The following ADCY3 variants were observed in gnomAD, a reference collection of about 807,000 sequenced individuals.
The protein encoded by ADCY3 is adenylate cyclase 3, also known as adenylate cyclase type 3.
ADCY3 carries 70 observed loss-of-function variants against 119.4 expected under a neutral mutation model. That is an observed-to-expected ratio of 0.59 (90% CI 0.48 to 0.72). ADCY3 has a LOEUF of 0.72. Ranked by LOEUF, ADCY3 falls within the 30% of genes least tolerant of loss-of-function variation. The probability of loss-of-function intolerance (pLI) is 0.00; values close to 1 mark genes in which losing one functional copy is unlikely to be tolerated. For missense variants in ADCY3, 1,238 were observed against 1,541.6 expected (o/e 0.80, Z 3.30); for synonymous variants, 672 against 621.4 (o/e 1.08, Z -1.21).
intron 2 of ADCY3, among the ~76,000 whole-genome samples, chr2:24,877,298 C>G (rs2384057): frequency 0.49 from 74,026 of 152,044 alleles, 19,479 homozygotes; most frequent in African/African-American, 0.7. Context: ...ACCCCTCCCC[C>G]CTTCAGCCTC....
In ADCY3 at chr2:24,898,721, A is replaced by C. The variant is rs1678570146; in HGVS notation, c.675+19592T>G. ...AGCTCCCGGCTCCAGGTCTCTGGGG[A>C]GACAACCCTTGCCTGGGGAAGCCTG... On this transcript the variant is annotated intron_variant, in intron 2 of 21. Coordinates refer to ENST00000679454, the MANE Select transcript of ADCY3 (RefSeq NM_004036.5). This position sits in a 1 kb window ranked among gnomAD's most constrained non-coding sequence, Gnocchi z 4.3. Among the ~76,000 whole-genome samples the C allele has an allele frequency of 6.6e-6, 1 of 152,130 alleles. No individual in the cohort carries two copies. Among genetic ancestry groups the C allele is most frequent in the Admixed American group, 6.5e-5 (1 of 15,270 alleles).
In ADCY3 at chr2:24,828,125, C is replaced by T; in HGVS notation, c.2209G>A (p.Ala737Thr). Residue 737 changes from alanine (A) to threonine (T), a missense_variant, in exon 14 of 22, where the codon GCA becomes ACA. Physicochemically the swap from Ala to Thr is moderately conservative, Grantham distance 58. Transcript: ENST00000679454. ...CLQYYTGPSNATAGMETEGSC... is the reference protein window; with the variant it reads ...CLQYYTGPSNTTAGMETEGSC... The stretch of plus-strand genomic sequence containing the variant: ...CCCTCCGTTTCCATCCCTGCCGTTG[C>T]ATTGCTGGGTCCCGTGTAGTACTGG... 1 of 1,614,072 alleles carries T rather than the reference C, an allele frequency of 6.2e-7. No homozygotes were observed. Among genetic ancestry groups the T allele is most frequent in the Non-Finnish European group, 8.5e-7 (1 of 1,180,036 alleles).
chr2:24,885,644 C>T (rs996235854), intron 2 of ADCY3, among the ~76,000 whole-genome samples: 3 of 152,232 alleles, frequency 2.0e-5, no homozygotes, highest in Non-Finnish European at 4.4e-5. Flanking sequence ...ACCCTTACTT[C>T]CCACAGGGCT....
intron 2 of ADCY3, among the ~76,000 whole-genome samples, chr2:24,882,086 AAGT>A (rs1447394925): frequency 1.3e-5 from 2 of 152,242 alleles, no homozygotes; most frequent in African/African-American, 2.4e-5. Context: ...TGGTGTGAAC[AAGT>A]AGATTTATTT....
chr2:24,867,599 G>A (rs920419172), intron 3 of ADCY3, among the ~76,000 whole-genome samples: 2 of 152,126 alleles, frequency 1.3e-5, no homozygotes, highest in Non-Finnish European at 2.9e-5. Context: ...GCACAAAACG[G>A]ATGAAGACAG....
chr2:24,919,285 C>T lies in ADCY3; in HGVS notation c.-197-101G>A. 1 of 351,656 alleles carries T rather than the reference C, an allele frequency of 2.8e-6. No individual in the cohort carries two copies. Among genetic ancestry groups the T allele is most frequent in the Non-Finnish European group, 5.3e-6 (1 of 189,580 alleles). The allele number at this position is 351,656 out of a possible 1,614,324, so 21.8% of individuals were successfully genotyped here. A position where few individuals can be genotyped will look rare whatever the true frequency, so the allele number is the denominator to read the frequency against. ...CATAAAAGGATCTCTGCTGCAAGAG[C>T]CTCCCAACCCAGGGCCTTCCCTGCC... On this transcript the variant is annotated intron_variant, in intron 1 of 21. Transcript: ENST00000679454. This position sits in a 1 kb window ranked among gnomAD's most constrained non-coding sequence, Gnocchi z 5.5.
intron 2 of ADCY3, among the ~76,000 whole-genome samples, chr2:24,901,638 C>T (rs772650791): frequency 5.9e-5 from 9 of 152,046 alleles, no homozygotes; most frequent in Non-Finnish European, 1.3e-4. Flanking sequence ...ACACACAACA[C>T]ATCCCAGCTG....
At chr2:24,901,183 G>A (rs1440320902) in intron 2 of ADCY3, among the ~76,000 whole-genome samples, 1 of 152,214 alleles carries the variant, frequency 6.6e-6, no homozygotes, top group Non-Finnish European at 1.5e-5. Context: ...CCGAGACACT[G>A]GATCCACCAA....
chr2:24,827,309 C>A (rs74547684), intron 15 of ADCY3, among the ~76,000 whole-genome samples: 1,950 of 152,318 alleles, frequency 0.013, 48 homozygotes, highest in African/African-American at 0.045. Flanking sequence ...CATTTTCCTG[C>A]TGCCTGTCTG....
chr2:24,836,298 T>A (rs1242702300), intron 9 of ADCY3, among the ~76,000 whole-genome samples: 1 of 152,250 alleles, frequency 6.6e-6, no homozygotes, highest in Non-Finnish European at 1.5e-5. Context: ...CCTCTTGTTC[T>A]ACGGCATCTG....
At chr2:24,862,188 C>T (rs1281175557) in intron 3 of ADCY3, among the ~76,000 whole-genome samples, 1 of 133,466 alleles carries the variant, frequency 7.5e-6, no homozygotes, top group Non-Finnish European at 1.8e-5. Flanking sequence ...GGGTCTGGGT[C>T]CCTTGTCCTC....
chr2:24,826,078 G>T lies in ADCY3; in HGVS notation c.2544C>A (p.Leu848=). 6.2e-7 allele frequency: 1 copy of T among 1,614,174 alleles called. No individual in the cohort carries two copies. Among genetic ancestry groups the T allele is most frequent in the Non-Finnish European group, 8.5e-7 (1 of 1,180,032 alleles). Residue 848 remains leucine (L), a synonymous_variant, in exon 16 of 22, where the codon CTC becomes CTA. Coordinates refer to ENST00000679454, the MANE Select transcript of ADCY3 (RefSeq NM_004036.5). Reference sequence around the variant, plus strand: ...AGAAGTAGTAGAAGCTGAGCATCATGAGGAACACCATCACCGTCATAGAGT... The same window carrying T: ...AGAAGTAGTAGAAGCTGAGCATCATTAGGAACACCATCACCGTCATAGAGT... ...SKYSMTVMVF[L]MMLSFYYFSR... is the part of the protein sequence containing the mutation.
rs558979408 is a variant in ADCY3 at position 24,918,216 on chromosome 2, T to G, written c.675+97A>C. The G allele has an allele frequency of 1.4e-6, 2 of 1,393,978 alleles. No homozygotes were observed. Among genetic ancestry groups the G allele is most frequent in the East Asian group, 4.6e-5 (2 of 43,062 alleles). The allele number at this position is 1,393,978 out of a possible 1,614,324, so 86.4% of individuals were successfully genotyped here. A position where few individuals can be genotyped will look rare whatever the true frequency, so the allele number is the denominator to read the frequency against. ...GCCCCGGAGGCCCCCAGGACACATT[T>G]TGACTCAAAGGCAAAGCAAACAGCA... is the stretch of plus-strand genomic sequence containing the variant. On this transcript the variant is annotated intron_variant, in intron 2 of 21. Transcript: ENST00000679454. The surrounding 1 kb of genome is among the most constrained non-coding windows in gnomAD (Gnocchi z 5.4).
At chr2:24,912,975 G>A (rs1391983539) in intron 2 of ADCY3, among the ~76,000 whole-genome samples, 2 of 152,206 alleles carry the variant, frequency 1.3e-5, no homozygotes, top group Non-Finnish European at 2.9e-5. Flanking sequence ...TGAATCTGAT[G>A]GCCCTGCAGT....
intron 3 of ADCY3, among the ~76,000 whole-genome samples, chr2:24,862,485 G>A (rs762217098): frequency 3.4e-4 from 51 of 151,726 alleles, no homozygotes; most frequent in Non-Finnish European, 5.9e-4. Flanking sequence ...GGCGGAGCTT[G>A]CAGTGAGCCG....
intron 15 of ADCY3, 72 bp downstream of exon 15, chr2:24,827,474 G>C: frequency 6.6e-7 from 1 of 1,508,322 alleles, no homozygotes; most frequent in Non-Finnish European, 9.0e-7. Context: ...CCCGGGGCTT[G>C]GGCCTGTTAT....
At chr2:24,870,479 G>A (rs1674858820) in intron 3 of ADCY3, among the ~76,000 whole-genome samples, 1 of 152,132 alleles carries the variant, frequency 6.6e-6, no homozygotes, top group South Asian at 2.1e-4. Context: ...CTAGGCTCCG[G>A]CTGTGTGCCC....
chr2:24,896,347 T>G (rs1409431795), intron 2 of ADCY3, among the ~76,000 whole-genome samples: 2 of 152,058 alleles, frequency 1.3e-5, no homozygotes, highest in Admixed American at 1.3e-4. Flanking sequence ...ATCGTGCCAC[T>G]GCACTCCAGC....
At chr2:24,900,197 G>A (rs1394794083) in intron 2 of ADCY3, among the ~76,000 whole-genome samples, 4 of 142,416 alleles carry the variant, frequency 2.8e-5, no homozygotes, top group Non-Finnish European at 4.5e-5. Context: ...TGCAACCTCC[G>A]CCTCCCAGGT....
Sources: gnomAD v4.1 joint callset for allele counts (sites outside exome capture counted in the v4.1 genomes callset) on GRCh38, gnomAD v4.1.1 for gene constraint, Gnocchi (gnomAD v3.1) non-coding constraint, MANE v1.5 for transcripts, NCBI Gene and HGNC (gene_info 2026-07-23, HGNC 2026-07-21) for gene names.